Variants in ANAPC5 observed in about 807,000 individuals in gnomAD.
ANAPC5 encodes the protein anaphase-promoting complex subunit 5.
A neutral mutation model predicts 91.3 loss-of-function variants in ANAPC5; 60 were observed. That is an observed-to-expected ratio of 0.66 (90% confidence interval 0.53 to 0.81). ANAPC5 has a LOEUF of 0.81. Among genes scored for constraint, ANAPC5 ranks in the 40% least tolerant of loss-of-function variants. ANAPC5 has a pLI of 0.00. For missense variants in ANAPC5, 690 were observed against 931.5 expected (o/e 0.74, Z 3.37); for synonymous variants, 340 against 364.1 (o/e 0.93, Z 0.75).
intron 11 of ANAPC5, among the ~76,000 whole-genome samples, chr12:121,322,220 G>A (rs1050225061): frequency 2.7e-5 from 4 of 148,666 alleles, no homozygotes; most frequent in African/African-American, 7.5e-5. Flanking sequence ...GTGCAGTGGT[G>A]TGGTCTAGGC....
chr12:121,326,413 G>T (rs1469005365), intron 11 of ANAPC5: 1 of 152,198 alleles, frequency 6.6e-6, no homozygotes, highest in African/African-American at 2.4e-5. Flanking sequence ...TCCCATGAAA[G>T]AAGATATTTT....
At chr12:121,351,998 ATCTT>A (rs782306431) in intron 1 of ANAPC5, 132 bp downstream of exon 1, 10 of 808,000 alleles carry the variant, frequency 1.2e-5, no homozygotes, top group Non-Finnish European at 1.7e-5. Context: ...GGTAGTAGCT[ATCTT>A]TATTTCTTCA....
chr12:121,350,675 C>T (rs868966124), intron 1 of ANAPC5, among the ~76,000 whole-genome samples: 5 of 104,510 alleles, frequency 4.8e-5, no homozygotes, highest in Admixed American at 1.1e-4. Flanking sequence ...AGCGAGACTC[C>T]GTCTCAAAAA....
rs183787682 is a variant in ANAPC5, at chr12:121,350,383, T to G, written c.207+1751A>C. 2.0e-3 allele frequency among the ~76,000 whole-genome samples: 312 copies of G among 152,278 alleles called. 3 individuals are homozygous for G. The highest frequency in any genetic ancestry group is 7.1e-3 in the African/African-American group (295 of 41,550). On this transcript the variant is annotated intron_variant, in intron 1 of 16. Coordinates refer to ENST00000261819, the MANE Select transcript of ANAPC5 (RefSeq NM_016237.5). ...TCCATCAAGGCACAGCTTCACACTT[T>G]CTGTAAGAAATCCTCGGGCCGGGCG...
chr12:121,347,001 T>C lies in ANAPC5; in HGVS notation c.292A>G (p.Lys98Glu), dbSNP rs1380218189. 6.3e-7 allele frequency: 1 copy of C among 1,597,870 alleles called. No individual in the cohort carries two copies. The highest frequency in any genetic ancestry group is 8.5e-7 in the Non-Finnish European group (1 of 1,173,580). Residue 98 changes from lysine (K) to glutamate (E), a missense_variant, in exon 3 of 17, where the codon AAA (lysine) becomes GAA (glutamate). Physicochemically the swap from Lys to Glu is moderately conservative, Grantham distance 56. This residue lies in a region of ANAPC5 where 238 missense variants were observed against 264.9 expected (regional missense o/e 0.90). Transcript: ENST00000261819. ...QLANSVQIRI[K>E]LMAEGELKDM... is the part of the protein sequence containing the mutation. The stretch of plus-strand genomic sequence containing the variant: ...TTCAACTCGCCTTCAGCCATCAGTT[T>C]GATTCTGAATGAGAAAATCGAGGTG...
chr12:121,343,975 C>T (rs1296452344), intron 4 of ANAPC5, among the ~76,000 whole-genome samples: 3 of 152,182 alleles, frequency 2.0e-5, no homozygotes, highest in Non-Finnish European at 4.4e-5. Context: ...TATTTGGAAG[C>T]AATCTCAGAT....
At position 121,319,808 on chromosome 12, in the gene ANAPC5, A is replaced by T; in HGVS notation, c.1526T>A (p.Leu509Gln). Residue 509 changes from leucine to glutamine, a missense_variant, in exon 13 of 17, where the codon CTA becomes CAA. By Grantham distance (113) the Leu-to-Gln change is moderately radical. This residue lies in a region of ANAPC5 where 317 missense variants were observed against 438.7 expected (regional missense o/e 0.72). Coordinates refer to ENST00000261819, the MANE Select transcript of ANAPC5 (RefSeq NM_016237.5). ...PNSQHAQLWM[L>Q]CDQKIQFDRA... ...GTCAAACTGTATTTTTTGATCACAT[A>T]GCATCCATAACTAGTAAGAAAAAAA... The T allele has an allele frequency of 6.2e-7, 1 of 1,605,654 alleles. No individual in the cohort carries two copies. Among genetic ancestry groups the T allele is most frequent in the Non-Finnish European group, 8.5e-7 (1 of 1,176,976 alleles).
At chr12:121,330,783 TC>T in intron 8 of ANAPC5, 111 bp from the exon 9 acceptor site, 1 of 773,352 alleles carries the variant, frequency 1.3e-6, no homozygotes, top group Non-Finnish European at 2.1e-6. Flanking sequence ...ATGAATCCTC[TC>T]AAATACTCTT....
Position 121,347,891 on chromosome 12 carries a change from G to A in ANAPC5, c.208-10C>T, listed in dbSNP as rs372331169. 1.4e-4 allele frequency: 218 copies of A among 1,571,002 alleles called. No individual in the cohort carries two copies. The highest frequency in any genetic ancestry group is 1.8e-4 in the Non-Finnish European group (207 of 1,141,960). On this transcript the variant is annotated splice_polypyrimidine_tract_variant and intron_variant, in intron 1 of 16. Coordinates refer to ENST00000261819, the MANE Select transcript of ANAPC5 (RefSeq NM_016237.5). ...GTGTAATATCTGGGCCCTGTGTAAA[G>A]GAGAGATAGGGAGGTATGGATTTTA...
chr12:121,317,879 GGAGA>G (rs1339485158), intron 15 of ANAPC5: 1 of 155,538 alleles, frequency 6.4e-6, no homozygotes, highest in East Asian at 1.9e-4. Context: ...CTTTACTGGG[GGAGA>G]AAGAAAACAA....
intron 15 of ANAPC5, among the ~76,000 whole-genome samples, chr12:121,312,498 A>G (rs1454597912): frequency 6.6e-6 from 1 of 151,554 alleles, no homozygotes; most frequent in African/African-American, 2.4e-5. Context: ...TGAGGTCAGG[A>G]GATCGAGACC....
rs1309319986 is a variant in ANAPC5 at position 121,328,454 on chromosome 12, GCT to G, written c.1164_1165del (p.Arg388SerfsTer100). On this transcript the variant is annotated frameshift_variant, in exon 10 of 17. Coordinates refer to ENST00000261819, the MANE Select transcript of ANAPC5 (RefSeq NM_016237.5). LOFTEE classifies it high-confidence loss of function. ...CTTGTTTGCCGTCTTCCCAGCAAAA[GCT>G]CTCTGTTGAACAAGGGACTGTATTC... The G allele has an allele frequency of 1.2e-6, 2 of 1,613,912 alleles. No individual in the cohort carries two copies. Among genetic ancestry groups the G allele is most frequent in the East Asian group, 4.5e-5 (2 of 44,882 alleles).
chr12:121,345,132 T>C (rs566749101), intron 4 of ANAPC5, among the ~76,000 whole-genome samples: 16 of 152,278 alleles, frequency 1.1e-4, no homozygotes, highest in South Asian at 2.1e-4. Context: ...AAGGACTGAC[T>C]GGATCTGCTG....
Position 121,342,546 on chromosome 12 carries a change from A to C in ANAPC5, c.591-477T>G, listed in dbSNP as rs1903498792. Among the ~76,000 whole-genome samples, 1 of 152,200 alleles carries C rather than the reference A, an allele frequency of 6.6e-6. No homozygotes were observed. Among genetic ancestry groups the C allele is most frequent in the African/African-American group, 2.4e-5 (1 of 41,444 alleles). Reference sequence around the variant, plus strand: ...TAAATAATACATTTTTAAATAAAAAAAATTAAAAACTCTTAGAAGAAAACA... The same window carrying C: ...TAAATAATACATTTTTAAATAAAAACAATTAAAAACTCTTAGAAGAAAACA... On this transcript the variant is annotated intron_variant, in intron 4 of 16. Transcript: ENST00000261819. This position sits in a 1 kb window ranked among gnomAD's most constrained non-coding sequence, Gnocchi z 4.1.
chr12:121,319,878 T>C (rs1902526649), intron 12 of ANAPC5, 60 bp from the exon 13 acceptor site: 4 of 1,479,716 alleles, frequency 2.7e-6, no homozygotes, highest in African/African-American at 2.9e-5. Context: ...TTAATGAGTA[T>C]ATGAAAGTAT....
intron 4 of ANAPC5, 142 bp downstream of exon 4, chr12:121,345,697 G>T: frequency 3.6e-6 from 3 of 838,034 alleles, no homozygotes; most frequent in Non-Finnish European, 5.6e-6. Context: ...CACTGGTGCA[G>T]CCCTTATCAG....
chr12:121,347,922 C>A, intron 1 of ANAPC5, 41 bp from the exon 2 acceptor site: 1 of 1,334,492 alleles, frequency 7.5e-7, no homozygotes, highest in Non-Finnish European at 1.1e-6. Flanking sequence ...TTTTAAAGAG[C>A]TGGAGACTGA....
chr12:121,348,946 T>A (rs1903776763), intron 1 of ANAPC5, among the ~76,000 whole-genome samples: 1 of 152,198 alleles, frequency 6.6e-6, no homozygotes, highest in Non-Finnish European at 1.5e-5. Flanking sequence ...CTTTTCTTAC[T>A]GTGAAATATA....
chr12:121,318,119 A>T, intron 15 of ANAPC5, 158 bp downstream of exon 15: 1 of 853,186 alleles, frequency 1.2e-6, no homozygotes, highest in Non-Finnish European at 1.6e-6. Flanking sequence ...TCACACCTCC[A>T]CAGGCCTCCT....
Sources: allele counts gnomAD v4.1 joint callset (sites outside exome capture counted in the v4.1 genomes callset), GRCh38; gene constraint gnomAD v4.1.1; regional missense constraint gnomAD v4.1.1; non-coding constraint Gnocchi (gnomAD v3.1); transcripts MANE v1.5; gene names NCBI Gene and HGNC (gene_info 2026-07-23, HGNC 2026-07-21).